MPPED2: variants seen among roughly 807,000 people sequenced by gnomAD.
MPPED2 encodes the protein metallophosphoesterase MPPED2.
Under a neutral mutation model 33.0 loss-of-function variants are expected in MPPED2, and 5 were observed. The observed-to-expected ratio is 0.15, with a 90% CI of 0.08 to 0.32. The LOEUF is 0.32. Ranked by LOEUF, MPPED2 falls within the 10% of genes least tolerant of loss-of-function variation. The pLI, the probability that MPPED2 is intolerant of heterozygous loss-of-function variation, is 1.00. For synonymous variants in MPPED2, 136 were observed against 141.9 expected (o/e 0.96, Z 0.29); for missense variants, 275 against 372.1 (o/e 0.74, Z 2.15).
At chr11:30,473,478 G>A (rs1425297778) in intron 4 of MPPED2, among the ~76,000 whole-genome samples, 1 of 152,138 alleles carries the variant, frequency 6.6e-6, no homozygotes, top group East Asian at 1.9e-4. Context: ...TATTAGCAAA[G>A]TATTTCCTCT....
At position 30,410,446 on chromosome 11, in the gene MPPED2, A is replaced by G; in HGVS notation, c.*1022T>C. 1 of 970,578 alleles carries G rather than the reference A, an allele frequency of 1.0e-6. No individual in the cohort carries two copies. The allele number at this position is 970,578 out of a possible 1,614,324, so 60.1% of individuals were successfully genotyped here. A position where few individuals can be genotyped will look rare whatever the true frequency, so the allele number is the denominator to read the frequency against. ...CACACAGTGCAAAATGGGAGAGGGG[A>G]GAGGAAGTAAGAAGACAACTTGGGG... On this transcript the variant is annotated 3_prime_UTR_variant, in exon 7 of 7. Coordinates refer to ENST00000358117, the MANE Select transcript of MPPED2 (RefSeq NM_001584.3).
chr11:30,535,277 A>T (rs1215898558), intron 3 of MPPED2, among the ~76,000 whole-genome samples: 1 of 151,878 alleles, frequency 6.6e-6, no homozygotes, highest in African/African-American at 2.4e-5. Flanking sequence ...TCTTTACTAT[A>T]TAATTCTTTC....
intron 3 of MPPED2, among the ~76,000 whole-genome samples, chr11:30,498,230 A>G (rs1489301730): frequency 1.3e-5 from 2 of 152,064 alleles, no homozygotes; most frequent in African/African-American, 4.8e-5. Flanking sequence ...CTTGTATAAA[A>G]AAAACCAAGG....
At chr11:30,496,730 G>T (rs1348797010) in intron 3 of MPPED2, among the ~76,000 whole-genome samples, 2 of 151,538 alleles carry the variant, frequency 1.3e-5, no homozygotes, top group Non-Finnish European at 2.9e-5. Context: ...GGGGAGGTGA[G>T]GGGAGCAAGT....
Position 30,414,210 on chromosome 11 carries a change from C to A in MPPED2, c.766+18G>T, listed in dbSNP as rs1948240503. The stretch of plus-strand genomic sequence containing the variant: ...ACAGGGGCACAAAATGTTTTGAATT[C>A]TTTTCCGCTGTTCTTACCTTCATGG... On this transcript the variant is annotated intron_variant, in intron 6 of 6. Transcript: ENST00000358117. 8.9e-6 allele frequency: 14 copies of A among 1,570,136 alleles called. No homozygotes were observed. The East Asian group carries it at 2.7e-4, about 30-fold the overall frequency.
At chr11:30,479,207 A>G (rs926218333) in intron 4 of MPPED2, among the ~76,000 whole-genome samples, 3 of 152,114 alleles carry the variant, frequency 2.0e-5, no homozygotes, top group Non-Finnish European at 2.9e-5. Context: ...GCTCTTTCCC[A>G]TCTCTAATTT....
intron 2 of MPPED2, among the ~76,000 whole-genome samples, chr11:30,564,993 T>C (rs3781850): frequency 0.13 from 19,269 of 152,156 alleles, 1,522 homozygotes; most frequent in Middle Eastern, 0.24. Context: ...GTGAGTTATA[T>C]ATGACATCCT....
At chr11:30,558,337 T>C (rs1956081535) in intron 2 of MPPED2, among the ~76,000 whole-genome samples, 1 of 152,186 alleles carries the variant, frequency 6.6e-6, no homozygotes. Flanking sequence ...TATTCCCAGG[T>C]AAGAACTGCC....
intron 2 of MPPED2, among the ~76,000 whole-genome samples, chr11:30,559,954 G>A (rs534121431): frequency 6.6e-6 from 1 of 152,206 alleles, no homozygotes; most frequent in Non-Finnish European, 1.5e-5. Context: ...CTGTTGCCTT[G>A]TGGAGTTTTA....
chr11:30,417,653 C>A lies in MPPED2; in HGVS notation c.537-20G>T. 2.1e-6 allele frequency: 3 copies of A among 1,452,330 alleles called. No individual in the cohort carries two copies. In the Admixed American group the frequency reaches 5.0e-5, roughly 24 times the overall value. 90.0% of individuals were successfully genotyped at this position (1,452,330 alleles called of 1,614,324 possible). A position where few individuals can be genotyped will look rare whatever the true frequency, so the allele number is the denominator to read the frequency against. Reference sequence around the variant, plus strand: ...GGGGTCCTTTGGGGGAGATAATGCACATGGTATCAGGCCAGCAGAGCCACG... The same window carrying A: ...GGGGTCCTTTGGGGGAGATAATGCAAATGGTATCAGGCCAGCAGAGCCACG... On this transcript the variant is annotated intron_variant, in intron 4 of 6. Transcript: ENST00000358117.
chr11:30,405,312 C>T (rs1457347202), downstream of MPPED2, among the ~76,000 whole-genome samples: 2 of 152,164 alleles, frequency 1.3e-5, no homozygotes, highest in Non-Finnish European at 2.9e-5. Flanking sequence ...GCCCTTTCCC[C>T]ATGGCAAGCA....
intron 2 of MPPED2, among the ~76,000 whole-genome samples, chr11:30,548,520 T>G (rs1056773618): frequency 6.6e-6 from 1 of 152,176 alleles, no homozygotes; most frequent in Admixed American, 6.6e-5. Flanking sequence ...ATGCCCAGCT[T>G]AAGTAACTAT....
intron 2 of MPPED2, among the ~76,000 whole-genome samples, chr11:30,559,581 G>A (rs553892785): frequency 1.3e-5 from 2 of 152,008 alleles, no homozygotes; most frequent in Non-Finnish European, 2.9e-5. Context: ...GTTTTTCCTA[G>A]ATACATTCTT....
intron 2 of MPPED2, among the ~76,000 whole-genome samples, chr11:30,560,848 C>T (rs549982731): frequency 6.6e-6 from 1 of 152,254 alleles, no homozygotes; most frequent in East Asian, 1.9e-4. Flanking sequence ...TCATGCTACC[C>T]CCCACCTGGT....
At chr11:30,520,029 A>G (rs1025918532) in intron 3 of MPPED2, among the ~76,000 whole-genome samples, 3 of 152,196 alleles carry the variant, frequency 2.0e-5, no homozygotes, top group Admixed American at 2.0e-4. Context: ...AGGCAAGTAC[A>G]GTCTCTTCAA....
chr11:30,442,484 C>A (rs554669962), intron 4 of MPPED2, among the ~76,000 whole-genome samples: 1 of 152,268 alleles, frequency 6.6e-6, no homozygotes, highest in South Asian at 2.1e-4. Context: ...GATCAGGGAA[C>A]CAAATGTGAA....
In MPPED2 at chr11:30,502,558, C is replaced by G. The variant is rs143886587; in HGVS notation, c.311-7037G>C. 3.7e-3 allele frequency among the ~76,000 whole-genome samples: 561 copies of G among 152,264 alleles called. 1 individual carries two copies. The highest frequency in any genetic ancestry group is 0.013 in the African/African-American group (536 of 41,542). On this transcript the variant is annotated intron_variant, in intron 3 of 6. Transcript: ENST00000358117. Reference sequence around the variant, plus strand: ...GCTCCCAGGAGAATGTGGGAGCCTACCCAGTGAAGAGAAGGCCAACTTTAT... The same window carrying G: ...GCTCCCAGGAGAATGTGGGAGCCTAGCCAGTGAAGAGAAGGCCAACTTTAT...
chr11:30,456,953 T>C (rs1444926964), intron 4 of MPPED2, among the ~76,000 whole-genome samples: 5 of 152,152 alleles, frequency 3.3e-5, no homozygotes, highest in Non-Finnish European at 5.9e-5. Context: ...AATTCACACC[T>C]GGAAAAAAGT....
intron 4 of MPPED2, among the ~76,000 whole-genome samples, chr11:30,488,002 T>C (rs933407174): frequency 3.5e-4 from 54 of 152,116 alleles, no homozygotes; most frequent in African/African-American, 1.3e-3. Flanking sequence ...TAGACAGACA[T>C]CTAGGATATC....
Sources: allele counts gnomAD v4.1 joint callset (sites outside exome capture counted in the v4.1 genomes callset), GRCh38; gene constraint gnomAD v4.1.1; transcripts MANE v1.5; gene names NCBI Gene and HGNC (gene_info 2026-07-23, HGNC 2026-07-21).